SMIM35: variants seen among roughly 807,000 people sequenced by gnomAD.
The protein encoded by SMIM35 is small integral membrane protein 35.
intron 1 of SMIM35, among the ~76,000 whole-genome samples, chr11:118,057,818 G>A (rs560810734): frequency 2.8e-4 from 43 of 152,336 alleles, no homozygotes; most frequent in African/African-American, 8.4e-4. Flanking sequence ...GACAGCAGGC[G>A]GAATGCAGGC....
chr11:118,062,468 G>A (rs537918233), intron 1 of SMIM35, among the ~76,000 whole-genome samples: 9 of 152,280 alleles, frequency 5.9e-5, no homozygotes, highest in South Asian at 2.1e-4. Context: ...GCTCCTTCCC[G>A]GCCAAAGCAA....
chr11:118,012,523 T>C (rs2058155593), intron 4 of SMIM35, among the ~76,000 whole-genome samples: 1 of 152,176 alleles, frequency 6.6e-6, no homozygotes, highest in Admixed American at 6.5e-5. Context: ...TGCAGAACAC[T>C]GTAATGTAGA....
chr11:118,011,379 A>G (rs975549611), intron 4 of SMIM35, among the ~76,000 whole-genome samples: 2 of 152,158 alleles, frequency 1.3e-5, no homozygotes, highest in African/African-American at 2.4e-5. Flanking sequence ...CCTGCTAGGC[A>G]GGGTGCGGGT....
intron 1 of SMIM35, among the ~76,000 whole-genome samples, chr11:118,075,643 A>G (rs1944661312): frequency 1.4e-5 from 2 of 140,854 alleles, no homozygotes; most frequent in African/African-American, 5.2e-5. Flanking sequence ...TTGTTGTTGG[A>G]GAATTAAAGG....
chr11:118,034,957 T>A (rs1452422560), intron 1 of SMIM35, among the ~76,000 whole-genome samples: 1 of 70,930 alleles, frequency 1.4e-5, no homozygotes, highest in Non-Finnish European at 3.6e-5. Context: ...TCCTTCTGAA[T>A]TTTTTTTTTT....
intron 1 of SMIM35, among the ~76,000 whole-genome samples, chr11:118,050,588 A>T (rs1591299009): frequency 1.3e-5 from 2 of 152,128 alleles, no homozygotes; most frequent in Admixed American, 6.5e-5. Flanking sequence ...GCGGTCACCC[A>T]TCCTGAGCAC....
At chr11:118,057,385 A>T (rs2135114996) in intron 1 of SMIM35, among the ~76,000 whole-genome samples, 1 of 152,230 alleles carries the variant, frequency 6.6e-6, no homozygotes, top group African/African-American at 2.4e-5. Flanking sequence ...TGATGAGAGC[A>T]TTGGGGGAGG....
chr11:118,047,847 G>A (rs1392361451), intron 1 of SMIM35, among the ~76,000 whole-genome samples: 3 of 152,196 alleles, frequency 2.0e-5, no homozygotes, highest in African/African-American at 4.8e-5. Flanking sequence ...ATTTGTCCCA[G>A]GGTACTGGCT....
chr11:118,013,127 AG>A (rs930794471), intron 4 of SMIM35, among the ~76,000 whole-genome samples: 1 of 152,148 alleles, frequency 6.6e-6, no homozygotes, highest in Non-Finnish European at 1.5e-5. Flanking sequence ...CCCATACCAT[AG>A]GCTGGTGGCG....
At chr11:118,045,786 A>G (rs1477580325) in intron 1 of SMIM35, among the ~76,000 whole-genome samples, 2 of 152,244 alleles carry the variant, frequency 1.3e-5, no homozygotes, top group Admixed American at 6.5e-5. Flanking sequence ...ATGAATGAAC[A>G]GACAGCAGAT....
rs983971779 is a variant in SMIM35, at chr11:118,073,074, C to T, written c.7+13677G>A. ...CTGGGATTACAGGCACCCTCCACCACGCCCGGCTAATTTTTTTGGTATTTT... is the reference window on the plus strand; with the variant it reads ...CTGGGATTACAGGCACCCTCCACCATGCCCGGCTAATTTTTTTGGTATTTT... On this transcript the variant is annotated intron_variant, in intron 1 of 4. Coordinates refer to ENST00000689828, the MANE Select transcript of SMIM35 (RefSeq NM_001394165.1). 3.3e-5 allele frequency among the ~76,000 whole-genome samples: 5 copies of T among 152,336 alleles called. No individual in the cohort carries two copies. In the East Asian group the frequency reaches 5.8e-4, roughly 18 times the overall value.
At chr11:118,011,070 C>A (rs370994364) in intron 4 of SMIM35, among the ~76,000 whole-genome samples, 1 of 152,218 alleles carries the variant, frequency 6.6e-6, no homozygotes, top group Non-Finnish European at 1.5e-5. Context: ...AAGCTGTGCT[C>A]GCCAGTAGCC....
intron 1 of SMIM35, among the ~76,000 whole-genome samples, chr11:118,075,929 A>G: frequency 6.6e-6 from 1 of 152,180 alleles, no homozygotes. Flanking sequence ...TCCCCTGGCC[A>G]GGGGGCAGCT....
At chr11:118,069,225 C>T (rs376378054) in intron 1 of SMIM35, among the ~76,000 whole-genome samples, 5 of 152,330 alleles carry the variant, frequency 3.3e-5, no homozygotes, top group East Asian at 1.9e-4. Context: ...GGAACATCAA[C>T]ACTTTGTTTG....
chr11:118,076,746 C>T (rs1224749500), intron 1 of SMIM35, among the ~76,000 whole-genome samples: 1 of 152,142 alleles, frequency 6.6e-6, no homozygotes, highest in Non-Finnish European at 1.5e-5. Flanking sequence ...AACCCTGTCG[C>T]CCAACCCCCA....
intron 1 of SMIM35, among the ~76,000 whole-genome samples, chr11:118,027,802 G>A (rs533243276): frequency 6.6e-6 from 1 of 152,212 alleles, no homozygotes; most frequent in Non-Finnish European, 1.5e-5. Flanking sequence ...GTGTTTGAGA[G>A]AATGAGGCTC....
At chr11:118,053,723 TTA>T (rs1591300908) in intron 1 of SMIM35, among the ~76,000 whole-genome samples, 1 of 152,174 alleles carries the variant, frequency 6.6e-6, no homozygotes, top group African/African-American at 2.4e-5. Context: ...GTCCTACCAT[TTA>T]TGTTATTCTT....
chr11:118,035,569 G>C (rs2058352922), intron 1 of SMIM35, among the ~76,000 whole-genome samples: 2 of 152,210 alleles, frequency 1.3e-5, no homozygotes, highest in Admixed American at 1.3e-4. Context: ...GGACCTGCGT[G>C]GGTGGGGCAT....
intron 1 of SMIM35, chr11:118,029,680 G>A: frequency 2.2e-6 from 1 of 457,332 alleles, no homozygotes; most frequent in South Asian, 1.5e-5. Context: ...CTAGTTTGCA[G>A]TTTTTCCAAA....
Sources: allele counts gnomAD v4.1 joint callset (sites outside exome capture counted in the v4.1 genomes callset), GRCh38; gene constraint gnomAD v4.1.1; transcripts MANE v1.5; gene names NCBI Gene and HGNC (gene_info 2026-07-23, HGNC 2026-07-21).